The following SLC37A1 variants were observed in gnomAD, a reference collection of about 807,000 sequenced individuals.
The protein encoded by SLC37A1 is glucose-6-phosphate exchanger SLC37A1.
Under a neutral mutation model 75.3 loss-of-function variants are expected in SLC37A1, and 49 were observed. The observed-to-expected ratio is 0.65, with a 90% CI of 0.52 to 0.83. The LOEUF (loss-of-function observed/expected upper bound fraction) is 0.83. SLC37A1 is among the 40% of genes least tolerant of loss of function. SLC37A1 has a pLI of 0.00. For synonymous variants in SLC37A1, 268 were observed against 292.1 expected, an observed-to-expected ratio of 0.92 and a Z score of 0.84; for missense variants, 566 against 695.0, an observed-to-expected ratio of 0.81 and a Z score of 2.09.
chr21:42,528,897 A>G (rs921157902), intron 3 of SLC37A1, among the ~76,000 whole-genome samples: 2 of 152,206 alleles, frequency 1.3e-5, no homozygotes, highest in African/African-American at 4.8e-5. Flanking sequence ...GGAAGTATGT[A>G]CTATGGGTGG....
chr21:42,502,813 C>T (rs2054352484), intron 2 of SLC37A1: 3 of 152,214 alleles, frequency 2.0e-5, no homozygotes, highest in African/African-American at 7.2e-5. Context: ...TCCCTAAGCA[C>T]CTCCCAAGGC....
intron 3 of SLC37A1, among the ~76,000 whole-genome samples, chr21:42,527,471 G>A (rs374521883): frequency 5.9e-5 from 9 of 152,150 alleles, no homozygotes; most frequent in African/African-American, 2.2e-4. Flanking sequence ...CGGCGTCAGG[G>A]TCAGCTCTTA....
intron 18 of SLC37A1, among the ~76,000 whole-genome samples, chr21:42,578,355 T>C (rs1252144614): frequency 6.6e-6 from 1 of 152,250 alleles, no homozygotes; most frequent in East Asian, 1.9e-4. Flanking sequence ...ATTGGATCTC[T>C]GTTCTTCAGA....
chr21:42,579,940 T>G, intron 19 of SLC37A1, 140 bp downstream of exon 19: 1 of 758,514 alleles, frequency 1.3e-6, no homozygotes, highest in South Asian at 1.7e-5. Context: ...ACCTTCACTC[T>G]CACTTTTTCT....
Position 42,564,781 on chromosome 21 carries a change from C to T in SLC37A1, c.1209C>T (p.Leu403=), listed in dbSNP as rs1381058674. 9.3e-6 allele frequency: 15 copies of T among 1,606,202 alleles called. No homozygotes were observed. The highest frequency in any genetic ancestry group is 2.2e-5 in the South Asian group (2 of 91,072). The change falls in exon 14 of 20, where the codon CTC becomes CTT. Residue 403 remains leucine, a synonymous_variant. Transcript: ENST00000352133. Reference sequence around the variant, plus strand: ...CCACCTGCGGCCTGATGCTGCTGCTCGCGGCCCCCACGGTCAGCCGTGCTG... The same window carrying T: ...CCACCTGCGGCCTGATGCTGCTGCTTGCGGCCCCCACGGTCAGCCGTGCTG... The part of the protein sequence containing the change: ...RASTCGLMLL[L]AAPTLYIFST...
In SLC37A1 at chr21:42,518,427, C is replaced by T. The variant is rs376292964; in HGVS notation, c.-28C>T. On this transcript the variant is annotated 5_prime_UTR_variant, in exon 2 of 20. Coordinates refer to ENST00000352133, the MANE Select transcript of SLC37A1 (RefSeq NM_001320537.2). ...TTTATGAAGCATCTTATTCTGCGACCGAGGCTCAGTGGTCAGTGGCGACGT... is the reference window on the plus strand; with the variant it reads ...TTTATGAAGCATCTTATTCTGCGACTGAGGCTCAGTGGTCAGTGGCGACGT... The T allele has an allele frequency of 1.1e-4, 183 of 1,613,926 alleles. No individual in the cohort carries two copies. The highest frequency in any genetic ancestry group is 1.4e-4 in the Non-Finnish European group (169 of 1,179,866).
upstream of SLC37A1, among the ~76,000 whole-genome samples, chr21:42,511,963 G>A (rs751248139): frequency 1.4e-4 from 21 of 151,802 alleles, no homozygotes; most frequent in Admixed American, 3.3e-4. Flanking sequence ...GTTTCACTTA[G>A]GAAAGATGAG....
intron 2 of SLC37A1, among the ~76,000 whole-genome samples, chr21:42,507,502 G>T (rs1240893527): frequency 1.3e-5 from 2 of 152,194 alleles, no homozygotes; most frequent in Non-Finnish European, 2.9e-5. Flanking sequence ...GGAATAGATA[G>T]GCAACCCGGG....
intron 17 of SLC37A1, among the ~76,000 whole-genome samples, chr21:42,572,652 T>C (rs535619201): frequency 2.4e-5 from 3 of 125,492 alleles, no homozygotes; most frequent in Admixed American, 1.0e-4. Context: ...GTGAAATTGA[T>C]AACAGGTTTT....
At chr21:42,520,617 A>G (rs1470866617) in intron 2 of SLC37A1, among the ~76,000 whole-genome samples, 3 of 152,014 alleles carry the variant, frequency 2.0e-5, no homozygotes, top group Non-Finnish European at 4.4e-5. Context: ...GTGATGGTCG[A>G]TATAGAAATA....
chr21:42,522,354 G>A (rs967053905), intron 2 of SLC37A1, among the ~76,000 whole-genome samples: 2 of 152,170 alleles, frequency 1.3e-5, no homozygotes, highest in African/African-American at 4.8e-5. Flanking sequence ...AAATAAGAAA[G>A]GACTTCGGGA....
In SLC37A1 at chr21:42,545,098, G is replaced by A. The variant is rs1051887146; in HGVS notation, c.730+1496G>A. 6.6e-6 allele frequency among the ~76,000 whole-genome samples: 1 copy of A among 152,226 alleles called. No individual in the cohort carries two copies. Among genetic ancestry groups the A allele is most frequent in the Admixed American group, 6.5e-5 (1 of 15,288 alleles). ...TGTAAGCAGAGAGAGCTCAGCTCTTGTGAATAAGCCTCCCTGATCCAATTT... is the reference window on the plus strand; with the variant it reads ...TGTAAGCAGAGAGAGCTCAGCTCTTATGAATAAGCCTCCCTGATCCAATTT... On this transcript the variant is annotated intron_variant, in intron 8 of 19. Coordinates refer to ENST00000352133, the MANE Select transcript of SLC37A1 (RefSeq NM_001320537.2). This position sits in a 1 kb window ranked among gnomAD's most constrained non-coding sequence, Gnocchi z 4.0.
chr21:42,568,589 C>T (rs902476882), intron 17 of SLC37A1, 151 bp downstream of exon 17: 68 of 751,542 alleles, frequency 9.0e-5, no homozygotes, highest in Admixed American at 1.5e-4. Flanking sequence ...CAGGGGACAT[C>T]GGCACACAGA....
At chr21:42,522,925 C>G (rs2054689157) in intron 2 of SLC37A1, among the ~76,000 whole-genome samples, 1 of 152,250 alleles carries the variant, frequency 6.6e-6, no homozygotes, top group Admixed American at 6.5e-5. Flanking sequence ...GGGAGTCACC[C>G]CGCAGAGGAA....
intron 17 of SLC37A1, among the ~76,000 whole-genome samples, chr21:42,572,338 T>C (rs996458156): frequency 3.9e-5 from 6 of 152,196 alleles, no homozygotes; most frequent in Admixed American, 2.0e-4. Context: ...TGCCCTTCAC[T>C]TTAGGGGAAT....
chr21:42,526,887 A>C (rs1172388457), intron 3 of SLC37A1, among the ~76,000 whole-genome samples: 1 of 152,220 alleles, frequency 6.6e-6, no homozygotes, highest in African/African-American at 2.4e-5. Flanking sequence ...TTAAACACTC[A>C]TCCGCTTGAC....
At chr21:42,502,631 T>G (rs910833599) in intron 2 of SLC37A1, 1 of 152,274 alleles carries the variant, frequency 6.6e-6, no homozygotes, top group Non-Finnish European at 1.5e-5. Context: ...CTTTCTGAAA[T>G]GTGATGCCCA....
intron 5 of SLC37A1, among the ~76,000 whole-genome samples, chr21:42,536,880 C>T (rs2055153366): frequency 6.6e-6 from 1 of 152,246 alleles, no homozygotes; most frequent in Admixed American, 6.5e-5. Context: ...CCTCTCAACA[C>T]AGTTATACTG....
chr21:42,506,809 C>T (rs1372160509), intron 2 of SLC37A1, among the ~76,000 whole-genome samples: 1 of 152,140 alleles, frequency 6.6e-6, no homozygotes, highest in African/African-American at 2.4e-5. Context: ...TCAGTATTCA[C>T]TGTGGAATCA....
Sources: allele counts gnomAD v4.1 joint callset (sites outside exome capture counted in the v4.1 genomes callset), GRCh38; gene constraint gnomAD v4.1.1; non-coding constraint Gnocchi (gnomAD v3.1); transcripts MANE v1.5; gene names NCBI Gene and HGNC (gene_info 2026-07-23, HGNC 2026-07-21).